DYNC1I1: variants seen among roughly 807,000 people sequenced by gnomAD.
The protein encoded by DYNC1I1 is dynein cytoplasmic 1 intermediate chain 1, also known as cytoplasmic dynein 1 intermediate chain 1.
DYNC1I1 carries 43 observed loss-of-function variants against 86.6 expected under a neutral mutation model. That is an observed-to-expected ratio of 0.50 (90% confidence interval 0.39 to 0.64). The LOEUF is 0.64. Ranked by LOEUF, DYNC1I1 falls within the 30% of genes least tolerant of loss-of-function variation. The pLI, the probability that DYNC1I1 is intolerant of heterozygous loss-of-function variation, is 0.00. For synonymous variants in DYNC1I1, 262 were observed against 283.7 expected, an observed-to-expected ratio of 0.92 and a Z score of 0.77; for missense variants, 604 against 788.8, an observed-to-expected ratio of 0.77 and a Z score of 2.81.
intron 5 of DYNC1I1, among the ~76,000 whole-genome samples, chr7:95,855,697 T>C (rs917476723): frequency 6.6e-6 from 1 of 152,228 alleles, no homozygotes; most frequent in Non-Finnish European, 1.5e-5. Context: ...GACATGTTAC[T>C]ATATTGAATA....
chr7:96,043,422 G>A (rs1789115982), intron 14 of DYNC1I1, among the ~76,000 whole-genome samples: 1 of 151,852 alleles, frequency 6.6e-6, no homozygotes, highest in South Asian at 2.1e-4. Flanking sequence ...TAACACCACA[G>A]GGATGCAATC....
exon 17 of DYNC1I1, chr7:96,110,032 C>T (rs1418391771): frequency 7.0e-6 from 3 of 430,100 alleles, no homozygotes; most frequent in African/African-American, 6.2e-5. Flanking sequence ...AAGCAATCCT[C>T]CTATGTTGGC....
intron 14 of DYNC1I1, among the ~76,000 whole-genome samples, chr7:96,059,508 A>T (rs925334381): frequency 1.3e-5 from 2 of 152,198 alleles, no homozygotes; most frequent in Non-Finnish European, 2.9e-5. Context: ...TTTTGGGGTT[A>T]CAAGTAAATT....
At chr7:96,017,602 TATGC>T (rs1205028338) in intron 10 of DYNC1I1, among the ~76,000 whole-genome samples, 3 of 152,298 alleles carry the variant, frequency 2.0e-5, no homozygotes, top group African/African-American at 7.2e-5. Context: ...GTGAAAAAAG[TATGC>T]ATATTATTTC....
intron 1 of DYNC1I1, among the ~76,000 whole-genome samples, chr7:95,786,516 G>T (rs1032248107): frequency 6.6e-6 from 1 of 152,150 alleles, no homozygotes; most frequent in African/African-American, 2.4e-5. Flanking sequence ...GATCATTTGT[G>T]TAAGTCCCAC....
chr7:95,964,796 G>C (rs1465607516), intron 6 of DYNC1I1, among the ~76,000 whole-genome samples: 1 of 152,160 alleles, frequency 6.6e-6, no homozygotes, highest in Non-Finnish European at 1.5e-5. Context: ...AAGAGGGGAG[G>C]CCTCACAGAT....
chr7:96,062,077 G>T (rs1303197428), intron 14 of DYNC1I1, among the ~76,000 whole-genome samples: 3 of 152,248 alleles, frequency 2.0e-5, no homozygotes, highest in African/African-American at 7.2e-5. Context: ...GGAGCGGTCT[G>T]TTGAAACATG....
chr7:95,949,333 C>T (rs954961761), intron 6 of DYNC1I1, among the ~76,000 whole-genome samples: 3 of 152,202 alleles, frequency 2.0e-5, no homozygotes, highest in Non-Finnish European at 4.4e-5. Flanking sequence ...CATGCAAGTG[C>T]ACTCATCCTT....
chr7:95,798,000 C>T (rs1323551192), intron 1 of DYNC1I1, among the ~76,000 whole-genome samples: 3 of 151,396 alleles, frequency 2.0e-5, no homozygotes, highest in African/African-American at 4.9e-5. Context: ...TAATAAATAA[C>T]ATGTATGTTG....
chr7:95,773,968 A>G (rs1793774656), intron 1 of DYNC1I1, among the ~76,000 whole-genome samples: 1 of 152,188 alleles, frequency 6.6e-6, no homozygotes, highest in Admixed American at 6.5e-5. Flanking sequence ...ACTACCTCTA[A>G]TTATTTAAAA....
At chr7:95,993,708 C>G (rs1359164098) in intron 9 of DYNC1I1, among the ~76,000 whole-genome samples, 1 of 152,106 alleles carries the variant, frequency 6.6e-6, no homozygotes, top group Non-Finnish European at 1.5e-5. Flanking sequence ...CATTGTAACT[C>G]TCTGCAGATT....
At chr7:96,071,323 G>A (rs748269716) in intron 14 of DYNC1I1, among the ~76,000 whole-genome samples, 1 of 152,074 alleles carries the variant, frequency 6.6e-6, no homozygotes, top group Non-Finnish European at 1.5e-5. Context: ...AACAAAGCAC[G>A]TAATAAAGCA....
At chr7:96,093,533 C>G (rs1790907654) in intron 16 of DYNC1I1, among the ~76,000 whole-genome samples, 1 of 152,184 alleles carries the variant, frequency 6.6e-6, no homozygotes, top group Non-Finnish European at 1.5e-5. Context: ...TCTCAGGAAT[C>G]TGAGCCTCAA....
In DYNC1I1 at chr7:95,998,387, G is replaced by A. The variant is rs1457363509; in HGVS notation, c.969+2314G>A. Among the ~76,000 whole-genome samples the A allele has an allele frequency of 2.0e-5, 3 of 152,212 alleles. No homozygotes were observed. In the East Asian group the frequency reaches 5.8e-4, roughly 29 times the overall value. ...CCCTTATAAGGTATCGATTAGACAT[G>A]GTTCTAGACGTGGCTATCTTTACCA... On this transcript the variant is annotated intron_variant, in intron 10 of 16. Coordinates refer to ENST00000447467, the MANE Select transcript of DYNC1I1 (RefSeq NM_001135556.2).
intron 6 of DYNC1I1, among the ~76,000 whole-genome samples, chr7:95,931,590 C>T (rs1234311594): frequency 6.6e-6 from 1 of 152,170 alleles, no homozygotes; most frequent in Non-Finnish European, 1.5e-5. Context: ...GTTCAGAGGT[C>T]AGCAAGTTCT....
At chr7:95,868,338 T>G (rs1178989452) in intron 5 of DYNC1I1, among the ~76,000 whole-genome samples, 5 of 152,230 alleles carry the variant, frequency 3.3e-5, no homozygotes. Flanking sequence ...ACAAGAAGAA[T>G]TTTTGTTTTC....
intron 13 of DYNC1I1, among the ~76,000 whole-genome samples, chr7:96,038,882 C>G (rs1788951394): frequency 6.6e-6 from 1 of 151,944 alleles, no homozygotes; most frequent in Non-Finnish European, 1.5e-5. Context: ...TAAAGCAGAC[C>G]ATGTGCAAAA....
At chr7:95,777,081 A>C (rs1490362492) in intron 1 of DYNC1I1, among the ~76,000 whole-genome samples, 1 of 152,202 alleles carries the variant, frequency 6.6e-6, no homozygotes, top group African/African-American at 2.4e-5. Flanking sequence ...CACCAAAAAA[A>C]GTATTGTTTA....
chr7:95,849,956 T>C (rs1330645165), intron 5 of DYNC1I1, among the ~76,000 whole-genome samples: 1 of 152,160 alleles, frequency 6.6e-6, no homozygotes, highest in African/African-American at 2.4e-5. Flanking sequence ...TATTCCTAAG[T>C]GCTGTGTTAT....
Sources: gnomAD v4.1 joint callset for allele counts (sites outside exome capture counted in the v4.1 genomes callset) on GRCh38, gnomAD v4.1.1 for gene constraint, MANE v1.5 for transcripts, NCBI Gene and HGNC (gene_info 2026-07-23, HGNC 2026-07-21) for gene names.